Variants in TMEM266 observed in about 807,000 individuals in gnomAD.
The protein encoded by TMEM266 is transmembrane protein 266.
Under a neutral mutation model 50.5 loss-of-function variants are expected in TMEM266, and 33 were observed. The ratio of observed to expected loss-of-function variants is 0.65; its 90% CI spans 0.50 to 0.87. TMEM266 has a LOEUF of 0.87. Ranked by LOEUF, TMEM266 falls within the 40% of genes least tolerant of loss-of-function variation. TMEM266 has a pLI of 0.00. For synonymous variants in TMEM266, 310 were observed against 292.3 expected, an observed-to-expected ratio of 1.06 and a Z score of -0.62; for missense variants, 655 against 695.1, an observed-to-expected ratio of 0.94 and a Z score of 0.65.
chr15:76,083,949 G>A (rs2036733313), intron 1 of TMEM266, among the ~76,000 whole-genome samples: 1 of 152,140 alleles, frequency 6.6e-6, no homozygotes, highest in African/African-American at 2.4e-5. Flanking sequence ...GGCTCTGTAT[G>A]TTATTGGAGC....
chr15:76,195,033 A>G (rs1427007221), intron 9 of TMEM266, among the ~76,000 whole-genome samples: 1 of 151,942 alleles, frequency 6.6e-6, no homozygotes, highest in East Asian at 1.9e-4. Flanking sequence ...GAATGGAACA[A>G]CCTTTAGTTC....
At chr15:76,159,089 G>A (rs2037973333) in intron 4 of TMEM266, among the ~76,000 whole-genome samples, 1 of 152,206 alleles carries the variant, frequency 6.6e-6, no homozygotes, top group African/African-American at 2.4e-5. Flanking sequence ...GAGCAGGCAT[G>A]TTCTCAGCAG....
intron 1 of TMEM266, among the ~76,000 whole-genome samples, chr15:76,121,455 C>T (rs1353361598): frequency 6.6e-6 from 1 of 151,980 alleles, no homozygotes; most frequent in African/African-American, 2.4e-5. Context: ...CTCACTCTGT[C>T]ACCCAGGCTG....
chr15:76,116,463 C>A (rs2037248180), intron 1 of TMEM266, among the ~76,000 whole-genome samples: 1 of 152,060 alleles, frequency 6.6e-6, no homozygotes, highest in Non-Finnish European at 1.5e-5. Flanking sequence ...GAATCCCCTT[C>A]AGAGACACCG....
chr15:76,099,742 G>C (rs1192756106), intron 1 of TMEM266, among the ~76,000 whole-genome samples: 1 of 152,028 alleles, frequency 6.6e-6, no homozygotes, highest in African/African-American at 2.4e-5. Context: ...CCAACAGCCT[G>C]GGTTAGTCCA....
intron 1 of TMEM266, among the ~76,000 whole-genome samples, chr15:76,093,713 A>G (rs1386807469): frequency 6.7e-6 from 1 of 149,916 alleles, no homozygotes; most frequent in Non-Finnish European, 1.5e-5. Context: ...TGGTTGAACT[A>G]ATTTACACTC....
intron 3 of TMEM266, among the ~76,000 whole-genome samples, chr15:76,138,222 CAAAAAAAAAAAAA>C (rs376580547): frequency 4.2e-5 from 3 of 71,882 alleles, no homozygotes; most frequent in Admixed American, 2.0e-4. Context: ...AACTCTGTCT[CAAAAAAAAAAAAA>C]AAAAAAAAAA....
Position 76,172,800 on chromosome 15 carries a change from G to A in TMEM266, c.652+1669G>A, listed in dbSNP as rs565701805. On this transcript the variant is annotated intron_variant, in intron 7 of 10. Transcript: ENST00000388942. ...CCCTGACACCCACCAGCGCTCTTTC[G>A]GCTGCTCACTCCCTGCAGTCTGCTC... 2.0e-5 allele frequency among the ~76,000 whole-genome samples: 3 copies of A among 152,062 alleles called. No individual in the cohort carries two copies. In the East Asian group the frequency reaches 5.8e-4, roughly 29 times the overall value.
intron 5 of TMEM266, among the ~76,000 whole-genome samples, chr15:76,162,870 T>G (rs1272226656): frequency 1.3e-5 from 2 of 152,188 alleles, no homozygotes; most frequent in Non-Finnish European, 2.9e-5. Flanking sequence ...CTTTCCTGGT[T>G]AATACCCAGG....
chr15:76,090,346 G>A (rs1198837494), intron 1 of TMEM266, among the ~76,000 whole-genome samples: 2 of 151,888 alleles, frequency 1.3e-5, no homozygotes, highest in Admixed American at 6.6e-5. Context: ...ACAAAAATTA[G>A]CCAGGCATGG....
intron 8 of TMEM266, among the ~76,000 whole-genome samples, chr15:76,177,179 C>T (rs1483238845): frequency 6.6e-6 from 1 of 152,250 alleles, no homozygotes; most frequent in African/African-American, 2.4e-5. Context: ...GGTCAGTGCT[C>T]CTTTATGCCT....
At chr15:76,078,356 C>G (rs1409186748) in intron 1 of TMEM266, among the ~76,000 whole-genome samples, 4 of 151,582 alleles carry the variant, frequency 2.6e-5, no homozygotes, top group African/African-American at 9.8e-5. Context: ...AAAGCCTCCT[C>G]TCTTTCTCAC....
At chr15:76,080,852 T>C (rs1395405760) in intron 1 of TMEM266, among the ~76,000 whole-genome samples, 1 of 151,462 alleles carries the variant, frequency 6.6e-6, no homozygotes, top group East Asian at 1.9e-4. Context: ...GCTCAAGCAG[T>C]CCTCCCACCT....
intron 5 of TMEM266, among the ~76,000 whole-genome samples, chr15:76,165,734 C>T (rs1316795713): frequency 6.6e-6 from 1 of 152,176 alleles, no homozygotes; most frequent in Non-Finnish European, 1.5e-5. Flanking sequence ...GCATGAGGGG[C>T]GTGGATCTGC....
At chr15:76,182,116 G>A (rs2038419921) in intron 8 of TMEM266, among the ~76,000 whole-genome samples, 1 of 152,136 alleles carries the variant, frequency 6.6e-6, no homozygotes, top group African/African-American at 2.4e-5. Flanking sequence ...CCTTGGGAAA[G>A]GTGAGTCCCT....
chr15:76,196,870 G>C (rs1050948772), intron 9 of TMEM266, among the ~76,000 whole-genome samples: 1 of 152,198 alleles, frequency 6.6e-6, no homozygotes, highest in Non-Finnish European at 1.5e-5. Context: ...AGGCTGCAGA[G>C]TTCCAGGCTT....
intron 8 of TMEM266, among the ~76,000 whole-genome samples, chr15:76,183,664 A>G (rs1267810126): frequency 1.3e-5 from 2 of 152,198 alleles, no homozygotes; most frequent in Non-Finnish European, 2.9e-5. Context: ...AACAAGGCCA[A>G]TGGGCTCACA....
intron 1 of TMEM266, among the ~76,000 whole-genome samples, chr15:76,133,305 G>A (rs982969048): frequency 6.6e-6 from 1 of 151,920 alleles, no homozygotes; most frequent in Admixed American, 6.6e-5. Context: ...ACGTGGTGGT[G>A]CATCCCTGTA....
At chr15:76,129,834 G>A (rs562014201) in intron 1 of TMEM266, among the ~76,000 whole-genome samples, 4 of 152,074 alleles carry the variant, frequency 2.6e-5, no homozygotes, top group African/African-American at 9.7e-5. Flanking sequence ...TAATCATAAT[G>A]TGTGGCCTCT....
Sources: gnomAD v4.1 joint callset for allele counts (sites outside exome capture counted in the v4.1 genomes callset) on GRCh38, gnomAD v4.1.1 for gene constraint, MANE v1.5 for transcripts, NCBI Gene and HGNC (gene_info 2026-07-23, HGNC 2026-07-21) for gene names.